The following ADAMTSL1 variants were observed in gnomAD, a reference collection of about 807,000 sequenced individuals.
ADAMTSL1 encodes the protein ADAMTS-like protein 1.
A neutral mutation model predicts 201.8 loss-of-function variants in ADAMTSL1; 126 were observed. The ratio of observed to expected loss-of-function variants is 0.62; its 90% CI spans 0.54 to 0.72. The LOEUF (loss-of-function observed/expected upper bound fraction) is 0.72, where lower values mean the gene tolerates loss of function less well. Ranked by LOEUF, ADAMTSL1 falls within the 30% of genes least tolerant of loss-of-function variation. The pLI, the probability that ADAMTSL1 is intolerant of heterozygous loss-of-function variation, is 0.00. For missense variants in ADAMTSL1, 2,679 were observed against 2,277.8 expected (o/e 1.18, Z -3.59); for synonymous variants, 1,121 against 903.4 (o/e 1.24, Z -4.32).
chr9:18,677,340 T>C (rs1830186286), intron 10 of ADAMTSL1, among the ~76,000 whole-genome samples: 1 of 152,068 alleles, frequency 6.6e-6, no homozygotes, highest in Non-Finnish European at 1.5e-5. Context: ...TATCCAGAAC[T>C]CTTGACCTTG....
chr9:18,388,264 A>C (rs995207635), intron 2 of ADAMTSL1, among the ~76,000 whole-genome samples: 1 of 151,034 alleles, frequency 6.6e-6, no homozygotes, highest in Admixed American at 6.6e-5. Flanking sequence ...TTTATACTTA[A>C]TTTTTTTGTT....
At chr9:18,117,361 C>T (rs573620961) in intron 1 of ADAMTSL1, among the ~76,000 whole-genome samples, 1 of 152,250 alleles carries the variant, frequency 6.6e-6, no homozygotes, top group Admixed American at 6.5e-5. Flanking sequence ...CGCCTTCACC[C>T]TCGCTTCTCT....
At chr9:18,155,900 G>A (rs1383574940) in intron 1 of ADAMTSL1, among the ~76,000 whole-genome samples, 1 of 152,032 alleles carries the variant, frequency 6.6e-6, no homozygotes, top group African/African-American at 2.4e-5. Context: ...AGGAATACAA[G>A]AGATTTACTG....
At chr9:18,685,173 T>C (rs1250960630) in intron 13 of ADAMTSL1, among the ~76,000 whole-genome samples, 2 of 152,204 alleles carry the variant, frequency 1.3e-5, no homozygotes, top group Non-Finnish European at 2.9e-5. Flanking sequence ...AGTTTTGCAA[T>C]ACAGTCACAA....
At chr9:18,292,006 G>C (rs76459203) in intron 2 of ADAMTSL1, among the ~76,000 whole-genome samples, 5 of 152,020 alleles carry the variant, frequency 3.3e-5, no homozygotes, top group South Asian at 2.1e-4. Context: ...TGGTAGCCCA[G>C]GGAAACCAGA....
At chr9:18,356,283 C>T (rs757819726) in intron 2 of ADAMTSL1, among the ~76,000 whole-genome samples, 1 of 152,112 alleles carries the variant, frequency 6.6e-6, no homozygotes, top group Non-Finnish European at 1.5e-5. Context: ...TCATCCAGGA[C>T]CAGCAGGCTG....
chr9:17,975,074 G>A (rs1005935311), intron 1 of ADAMTSL1, among the ~76,000 whole-genome samples: 1 of 151,886 alleles, frequency 6.6e-6, no homozygotes, highest in Admixed American at 6.6e-5. Flanking sequence ...ATGCAAAGTG[G>A]TATTTTATTA....
At position 18,895,037 on chromosome 9, in the gene ADAMTSL1, A is replaced by G. The variant is rs75849474; in HGVS notation, c.4851+2441A>G. Among the ~76,000 whole-genome samples, 273 of 152,362 alleles carry G rather than the reference A, an allele frequency of 1.8e-3. 1 individual carries two copies. The highest frequency in any genetic ancestry group is 6.4e-3 in the African/African-American group (267 of 41,592). ...ATTAAGCATTGGCCTTATTTTATAC[A>G]TACGGTGCATATTCAAACTTGACTG... On this transcript the variant is annotated intron_variant, in intron 26 of 28. Transcript: ENST00000380548.
At position 18,055,729 on chromosome 9, in the gene ADAMTSL1, A is replaced by T. The variant is rs577803797; in HGVS notation, c.88-108133A>T. On this transcript the variant is annotated intron_variant, in intron 1 of 29. Transcript: ENST00000680146. ...CACTGGATCTGCACATGCCTCCAGC[A>T]GTTTAGGATATTTATGATAGAGAAG... Among the ~76,000 whole-genome samples, 3 of 152,332 alleles carry T rather than the reference A, an allele frequency of 2.0e-5. No individual in the cohort carries two copies. The East Asian group carries it at 5.8e-4, about 29-fold the overall frequency.
chr9:18,052,250 AAC>A (rs1343624452), intron 1 of ADAMTSL1, among the ~76,000 whole-genome samples: 1 of 152,240 alleles, frequency 6.6e-6, no homozygotes, highest in Non-Finnish European at 1.5e-5. Flanking sequence ...GCAGGCACTA[AAC>A]ACATCACACA....
intron 7 of ADAMTSL1, among the ~76,000 whole-genome samples, chr9:18,649,678 C>A (rs76383563): frequency 6.6e-6 from 1 of 152,166 alleles, no homozygotes; most frequent in Non-Finnish European, 1.5e-5. Context: ...GCCTGGGTAT[C>A]AGCAGCGGTG....
At chr9:18,400,509 G>A (rs1490758022) in intron 2 of ADAMTSL1, among the ~76,000 whole-genome samples, 2 of 152,098 alleles carry the variant, frequency 1.3e-5, no homozygotes, top group Non-Finnish European at 2.9e-5. Flanking sequence ...TTATAGTATT[G>A]CTATGTTTGT....
chr9:18,757,765 G>C (rs1819855729), intron 16 of ADAMTSL1, among the ~76,000 whole-genome samples: 1 of 152,140 alleles, frequency 6.6e-6, no homozygotes, highest in Non-Finnish European at 1.5e-5. Flanking sequence ...TTCTGAATTA[G>C]ACCACAAGGT....
chr9:18,814,537 C>T (rs775389836), intron 20 of ADAMTSL1, among the ~76,000 whole-genome samples: 9 of 152,060 alleles, frequency 5.9e-5, no homozygotes, highest in Non-Finnish European at 1.0e-4. Flanking sequence ...AAATAATTTT[C>T]AAAAATGGAC....
chr9:18,511,739 T>C (rs1319586789), intron 2 of ADAMTSL1, among the ~76,000 whole-genome samples: 1 of 152,198 alleles, frequency 6.6e-6, no homozygotes, highest in African/African-American at 2.4e-5. Context: ...ATGAAAATAT[T>C]GATACACTAA....
intron 1 of ADAMTSL1, among the ~76,000 whole-genome samples, chr9:17,949,924 GT>G (rs528212989): frequency 2.0e-5 from 3 of 152,024 alleles, no homozygotes; most frequent in Non-Finnish European, 4.4e-5. Flanking sequence ...TGTTACCGTA[GT>G]GCTTTTTTTT....
chr9:18,185,332 A>G lies in ADAMTSL1; in HGVS notation c.207+21351A>G, dbSNP rs113245970. 6.3e-3 allele frequency among the ~76,000 whole-genome samples: 954 copies of G among 152,304 alleles called. 7 individuals carry two copies. The highest frequency in any genetic ancestry group is 0.011 in the Non-Finnish European group (728 of 68,022). On this transcript the variant is annotated intron_variant, in intron 2 of 29. Coordinates refer to the ADAMTSL1 transcript ENST00000680146. ...CAGCTACCATGAGTTTTACAGCCAC[A>G]GGCCATGAATTCTTCCAACAACCTG...
intron 1 of ADAMTSL1, among the ~76,000 whole-genome samples, chr9:18,057,332 T>G (rs1189053023): frequency 6.6e-6 from 1 of 152,202 alleles, no homozygotes; most frequent in African/African-American, 2.4e-5. Flanking sequence ...TAATTCATTT[T>G]GGGGAAATTG....
intron 13 of ADAMTSL1, among the ~76,000 whole-genome samples, chr9:18,700,194 A>G (rs1208955037): frequency 6.6e-6 from 1 of 152,246 alleles, no homozygotes; most frequent in African/African-American, 2.4e-5. Context: ...ATGCCTTAAT[A>G]TTATAGATTT....
Sources: gnomAD v4.1 joint callset for allele counts (sites outside exome capture counted in the v4.1 genomes callset) on GRCh38, gnomAD v4.1.1 for gene constraint, MANE v1.5 for transcripts, NCBI Gene and HGNC (gene_info 2026-07-23, HGNC 2026-07-21) for gene names.